Variants in RYR3 observed in about 807,000 individuals in gnomAD.
RYR3 encodes brain ryanodine receptor-calcium release channel.
A neutral mutation model predicts 584.3 loss-of-function variants in RYR3; 207 were observed. The observed-to-expected ratio is 0.35, with a 90% confidence interval of 0.32 to 0.40. RYR3 has a LOEUF of 0.40. Ranked by LOEUF, RYR3 falls within the 10% of genes least tolerant of loss-of-function variation. The probability of loss-of-function intolerance (pLI) is 1.00; values close to 1 mark genes in which losing one functional copy is unlikely to be tolerated. For missense variants in RYR3, 5,616 were observed against 6,089.2 expected (o/e 0.92, Z 2.59); for synonymous variants, 2,416 against 2,248.5 (o/e 1.07, Z -2.11).
chr15:33,533,802 A>C (rs952960721), intron 5 of RYR3, among the ~76,000 whole-genome samples: 27 of 152,198 alleles, frequency 1.8e-4, no homozygotes, highest in Non-Finnish European at 4.0e-4. Flanking sequence ...TGAACAAGCT[A>C]TGTCTAAAGT....
intron 1 of RYR3, among the ~76,000 whole-genome samples, chr15:33,314,541 ACT>A (rs1248187325): frequency 2.0e-5 from 3 of 151,828 alleles, no homozygotes; most frequent in African/African-American, 4.8e-5. Context: ...ACGAAACAAA[ACT>A]CTAATCCTTA....
chr15:33,568,884 T>C (rs923676757), intron 12 of RYR3, among the ~76,000 whole-genome samples: 1 of 152,250 alleles, frequency 6.6e-6, no homozygotes, highest in Non-Finnish European at 1.5e-5. Flanking sequence ...ACTAATCTGC[T>C]TTCTGTCTCA....
chr15:33,380,768 G>T (rs1228934879), intron 1 of RYR3, among the ~76,000 whole-genome samples: 4 of 152,210 alleles, frequency 2.6e-5, no homozygotes, highest in Non-Finnish European at 4.4e-5. Context: ...AGCAGCACAC[G>T]TACGTACACT....
intron 18 of RYR3, among the ~76,000 whole-genome samples, chr15:33,611,695 G>C (rs1044795939): frequency 2.6e-5 from 4 of 151,954 alleles, no homozygotes; most frequent in Non-Finnish European, 5.9e-5. Flanking sequence ...GTCTCATTCT[G>C]TCGCCCAGGC....
chr15:33,359,681 C>T (rs1052543861), intron 1 of RYR3, among the ~76,000 whole-genome samples: 3 of 151,760 alleles, frequency 2.0e-5, no homozygotes, highest in Admixed American at 6.6e-5. Context: ...TGCAGTGGCG[C>T]GATCTCGGCT....
intron 1 of RYR3, among the ~76,000 whole-genome samples, chr15:33,416,966 T>C (rs954801233): frequency 1.3e-5 from 2 of 152,188 alleles, no homozygotes; most frequent in East Asian, 1.9e-4. Context: ...CCATTGTTTA[T>C]TTTTGTTGAC....
intron 9 of RYR3, 140 bp downstream of exon 9, chr15:33,548,344 T>C: frequency 1.7e-6 from 1 of 583,450 alleles, no homozygotes; most frequent in Non-Finnish European, 3.0e-6. Flanking sequence ...CTGATATTTC[T>C]GTGACTTTGT....
At chr15:33,845,114 C>T in intron 93 of RYR3, 52 bp downstream of exon 93, 2 of 1,580,888 alleles carry the variant, frequency 1.3e-6, no homozygotes, top group Non-Finnish European at 1.7e-6. Context: ...GAAGAAATGT[C>T]CTTTTTGAGC....
chr15:33,704,822 G>GTC (rs2066572010), intron 42 of RYR3, among the ~76,000 whole-genome samples: 1 of 152,164 alleles, frequency 6.6e-6, no homozygotes, highest in Non-Finnish European at 1.5e-5. Context: ...GCTGGAGAGG[G>GTC]AAGAAATGGG....
intron 42 of RYR3, among the ~76,000 whole-genome samples, chr15:33,701,576 T>C (rs1244965976): frequency 6.6e-6 from 1 of 151,958 alleles, no homozygotes; most frequent in African/African-American, 2.4e-5. Flanking sequence ...TTTCTTTAAA[T>C]GATGTCCTTG....
intron 1 of RYR3, among the ~76,000 whole-genome samples, chr15:33,459,123 C>T (rs2047807419): frequency 6.6e-6 from 1 of 152,226 alleles, no homozygotes; most frequent in South Asian, 2.1e-4. Context: ...GATTCTCACT[C>T]ATTTGGATTG....
At chr15:33,628,354 C>A in intron 20 of RYR3, 117 bp from the exon 21 acceptor site, 1 of 663,876 alleles carries the variant, frequency 1.5e-6, no homozygotes, top group Non-Finnish European at 2.7e-6. Flanking sequence ...AGCATGAGGT[C>A]GGATACTGCA....
Position 33,310,971 on chromosome 15 carries a change from G to A in RYR3, c.-75G>A. The A allele has an allele frequency of 8.8e-7, 1 of 1,135,190 alleles. No individual in the cohort carries two copies. Among genetic ancestry groups the A allele is most frequent in the Non-Finnish European group, 1.3e-6 (1 of 775,836 alleles). The allele number at this position is 1,135,190 out of a possible 1,614,324, so 70.3% of individuals were successfully genotyped here. ...GAGGAGGAGAAAGAGCGCAGCAGCA[G>A]TCAGCGCACGCCGAGCGGCTGCCGG... On this transcript the variant is annotated 5_prime_UTR_variant, in exon 1 of 104. Coordinates refer to ENST00000634891, the MANE Select transcript of RYR3 (RefSeq NM_001036.6).
chr15:33,484,523 G>C (rs764340567), intron 2 of RYR3, among the ~76,000 whole-genome samples: 3 of 152,210 alleles, frequency 2.0e-5, no homozygotes, highest in Non-Finnish European at 4.4e-5. Context: ...AGCTGAACAT[G>C]TATAGGGACT....
At chr15:33,617,469 T>C (rs188453667) in intron 19 of RYR3, among the ~76,000 whole-genome samples, 2 of 152,260 alleles carry the variant, frequency 1.3e-5, no homozygotes, top group African/African-American at 4.8e-5. Flanking sequence ...CACCCAATAC[T>C]GTAGATCACT....
intron 48 of RYR3, among the ~76,000 whole-genome samples, chr15:33,732,003 A>G (rs2068994984): frequency 6.6e-6 from 1 of 152,150 alleles, no homozygotes; most frequent in South Asian, 2.1e-4. Context: ...CATTCTCTTC[A>G]TTCTCAAGAT....
At chr15:33,490,314 A>C (rs930092879) in intron 2 of RYR3, among the ~76,000 whole-genome samples, 9 of 152,230 alleles carry the variant, frequency 5.9e-5, no homozygotes, top group Non-Finnish European at 1.2e-4. Context: ...GCCACTGAGC[A>C]GTTGACAAAA....
intron 1 of RYR3, among the ~76,000 whole-genome samples, chr15:33,402,619 A>G (rs1470680133): frequency 1.3e-5 from 2 of 152,242 alleles, no homozygotes; most frequent in African/African-American, 2.4e-5. Flanking sequence ...GCTGAACTTC[A>G]CATATTAAAC....
In RYR3 at chr15:33,813,449, G is replaced by A. The variant is rs183671163; in HGVS notation, c.10390-18G>A. The A allele has an allele frequency of 1.3e-4, 202 of 1,601,128 alleles. No individual in the cohort carries two copies. Among genetic ancestry groups the A allele is most frequent in the African/African-American group, 5.6e-4 (42 of 74,774 alleles). On this transcript the variant is annotated intron_variant, in intron 73 of 103. Coordinates refer to ENST00000634891, the MANE Select transcript of RYR3 (RefSeq NM_001036.6). ...AAGATCAGCCTAATGTGCACCAACCGATGTGATCTCTTCTCAGGTGGAACA... is the reference window on the plus strand; with the variant it reads ...AAGATCAGCCTAATGTGCACCAACCAATGTGATCTCTTCTCAGGTGGAACA...
Sources: allele counts gnomAD v4.1 joint callset (sites outside exome capture counted in the v4.1 genomes callset), GRCh38; gene constraint gnomAD v4.1.1; transcripts MANE v1.5; gene names NCBI Gene and HGNC (gene_info 2026-07-23, HGNC 2026-07-21).